The following NANOS2 variants were observed in gnomAD, a reference collection of about 807,000 sequenced individuals.
NANOS2 encodes nanos homolog 2.
A neutral mutation model predicts 6.4 loss-of-function variants in NANOS2; 3 were observed. That is an observed-to-expected ratio of 0.47 (90% confidence interval 0.22 to 1.22). NANOS2 has a LOEUF of 1.22. Among genes scored for constraint, NANOS2 ranks in the 50% most tolerant of loss-of-function variants. The probability of loss-of-function intolerance (pLI) is 0.22; values close to 1 mark genes in which losing one functional copy is unlikely to be tolerated. For synonymous variants in NANOS2, 86 were observed against 85.6 expected (o/e 1.00, Z -0.03); for missense variants, 177 against 191.0 (o/e 0.93, Z 0.43).
In NANOS2 at chr19:45,914,617, C is replaced by G. The variant is rs140269321; in HGVS notation, c.77G>C (p.Arg26Pro). 2.5e-6 allele frequency: 4 copies of G among 1,614,118 alleles called. No individual in the cohort carries two copies. In the Admixed American group the frequency reaches 6.7e-5, roughly 27 times the overall value. The change falls in exon 1 of 1, where the codon CGG (arginine) becomes CCG (proline). Residue 26 changes from arginine to proline, a missense_variant. Transcript: ENST00000341294. Reference sequence around the variant, plus strand: ...CTCTTGGGTCTCCAGCCTTTGACCCCGACTTGCGATCAGCGCCCACACCAC... The same window carrying G: ...CTCTTGGGTCTCCAGCCTTTGACCCGGACTTGCGATCAGCGCCCACACCAC... Reference protein sequence around the residue: ...SQVVWALIASRGQRLETQEIE... With the variant: ...SQVVWALIASPGQRLETQEIE...
rs1309694594 is a variant in NANOS2 at position 45,913,804 on chromosome 19, G to C, written c.*473C>G. On this transcript the variant is annotated 3_prime_UTR_variant, in exon 1 of 1. Transcript: ENST00000341294. Reference sequence around the variant, plus strand: ...AGATGGAGAAGGCTGGTCTTAAGTCGACATCCCATCTTGAAGTTCTTGAGT... The same window carrying C: ...AGATGGAGAAGGCTGGTCTTAAGTCCACATCCCATCTTGAAGTTCTTGAGT... The C allele has an allele frequency of 6.1e-6, 1 of 162,650 alleles. No homozygotes were observed. The highest frequency in any genetic ancestry group is 1.8e-4 in the East Asian group (1 of 5,640). The allele number at this position is 162,650 out of a possible 1,614,324, so 10.1% of individuals were successfully genotyped here.
At position 45,913,614 on chromosome 19, in the gene NANOS2, A is replaced by AC. The variant is rs1442498438; in HGVS notation, c.*662dup. On this transcript the variant is annotated 3_prime_UTR_variant, in exon 1 of 1. Coordinates refer to ENST00000341294, the MANE Select transcript of NANOS2 (RefSeq NM_001029861.3). ...AGGGGGCATTGAAAGGTGTCAGCTC[A>AC]CCCCACGGCTCTCCATCCACAGGTG... The AC allele has an allele frequency of 1.3e-5, 2 of 152,110 alleles. No homozygotes were observed. The highest frequency in any genetic ancestry group is 1.5e-5 in the Non-Finnish European group (1 of 68,150). 9.4% of individuals were successfully genotyped at this position (152,110 alleles called of 1,614,324 possible).
rs1389312198 is a variant in NANOS2 at position 45,914,651 on chromosome 19, G to A, written c.43C>T (p.Leu15=). The change falls in exon 1 of 1, where the codon CTG becomes TTG. Residue 15 remains leucine, a synonymous_variant. Coordinates refer to ENST00000341294, the MANE Select transcript of NANOS2 (RefSeq NM_001029861.3). ...ATCAGCGCCCACACCACCTGGCTCA[G>A]GTTGAAGTAGTCCTTCCACATGTCG... is the stretch of plus-strand genomic sequence containing the variant. ...PFDMWKDYFN[L]SQVVWALIAS... 1.9e-6 allele frequency: 3 copies of A among 1,614,054 alleles called. No homozygotes were observed. Among genetic ancestry groups the A allele is most frequent in the East Asian group, 2.2e-5 (1 of 44,888 alleles).
chr19:45,914,409 G>C lies in NANOS2; in HGVS notation c.285C>G (p.His95Gln), dbSNP rs140764948. 81 of 1,614,082 alleles carry C rather than the reference G, an allele frequency of 5.0e-5. No homozygotes were observed. Among genetic ancestry groups the C allele is most frequent in the Non-Finnish European group, 6.1e-5 (72 of 1,180,030 alleles). Residue 95 changes from histidine (H) to glutamine (Q), a missense_variant, in exon 1 of 1, where the codon CAC (histidine) becomes CAG (glutamine). By Grantham distance (24) the His-to-Gln change is conservative. Transcript: ENST00000341294. ...TGGCCCCGCACACGGGACACACGTA[G>C]TGCCTCAGGATGGGACACACCACCA... ...DGVVVCPILR[H>Q]YVCPVCGATG... is the part of the protein sequence containing the mutation.
In NANOS2 at chr19:45,914,190, G is replaced by T; in HGVS notation, c.*87C>A. 1.5e-6 allele frequency: 2 copies of T among 1,322,506 alleles called. No individual in the cohort carries two copies. Among genetic ancestry groups the T allele is most frequent in the Non-Finnish European group, 2.1e-6 (2 of 971,460 alleles). 81.9% of individuals were successfully genotyped at this position (1,322,506 alleles called of 1,614,324 possible). A position where few individuals can be genotyped will look rare whatever the true frequency, so the allele number is the denominator to read the frequency against. Reference sequence around the variant, plus strand: ...TTCTGGGGGCCAGAAATTCCAAAGGGCTGGGTGACTGGAAGAGAGAGTTTA... The same window carrying T: ...TTCTGGGGGCCAGAAATTCCAAAGGTCTGGGTGACTGGAAGAGAGAGTTTA... On this transcript the variant is annotated 3_prime_UTR_variant, in exon 1 of 1. Transcript: ENST00000341294.
chr19:45,913,913 C>A lies in NANOS2; in HGVS notation c.*364G>T. The A allele has an allele frequency of 4.0e-6, 1 of 250,740 alleles. No homozygotes were observed. The highest frequency in any genetic ancestry group is 9.6e-5 in the South Asian group (1 of 10,408). The allele number at this position is 250,740 out of a possible 1,614,324, so 15.5% of individuals were successfully genotyped here. ...GTGGAATCCTGGAGGTTCAAAAATC[C>A]AAGAACTCCACAAGGAACAGAGAAG... On this transcript the variant is annotated 3_prime_UTR_variant, in exon 1 of 1. Transcript: ENST00000341294.
Position 45,914,165 on chromosome 19 carries a change from T to G in NANOS2, c.*112A>C. On this transcript the variant is annotated 3_prime_UTR_variant, in exon 1 of 1. Coordinates refer to ENST00000341294, the MANE Select transcript of NANOS2 (RefSeq NM_001029861.3). ...GTTTCAGGATCCAGCCAGGGTGGAG[T>G]TCTGGGGGCCAGAAATTCCAAAGGG... 3 of 1,118,074 alleles carry G rather than the reference T, an allele frequency of 2.7e-6. No homozygotes were observed. Among genetic ancestry groups the G allele is most frequent in the Non-Finnish European group, 2.5e-6 (2 of 799,610 alleles). The allele number at this position is 1,118,074 out of a possible 1,614,324, so 69.3% of individuals were successfully genotyped here.
In NANOS2 at chr19:45,914,526, G is replaced by A. The variant is rs1371904279; in HGVS notation, c.168C>T (p.Asn56=). 8 of 1,613,896 alleles carry A rather than the reference G, an allele frequency of 5.0e-6. No homozygotes were observed. The highest frequency in any genetic ancestry group is 2.7e-5 in the African/African-American group (2 of 74,940). Residue 56 remains asparagine (N), a synonymous_variant, in exon 1 of 1, where the codon AAC becomes AAT. Coordinates refer to ENST00000341294, the MANE Select transcript of NANOS2 (RefSeq NM_001029861.3). The stretch of plus-strand genomic sequence containing the variant: ...AGTTGCACAGGGTCCCCAGGCCCCC[G>A]TTGGCCCCTGGCGCCCCCAGCCCCT... ...QDQGLGAPGA[N]GGLGTLCNFC... is the part of the protein sequence containing the mutation.
Position 45,914,649 on chromosome 19 carries a change from C to T in NANOS2, c.45G>A (p.Leu15=). The change falls in exon 1 of 1, where the codon CTG becomes CTA. Residue 15 remains leucine (L), a synonymous_variant. Coordinates refer to ENST00000341294, the MANE Select transcript of NANOS2 (RefSeq NM_001029861.3). ...CGATCAGCGCCCACACCACCTGGCT[C>T]AGGTTGAAGTAGTCCTTCCACATGT... ...PFDMWKDYFN[L]SQVVWALIAS... The T allele has an allele frequency of 6.2e-7, 1 of 1,614,176 alleles. No individual in the cohort carries two copies. The highest frequency in any genetic ancestry group is 8.5e-7 in the Non-Finnish European group (1 of 1,180,026).
chr19:45,913,925 A>G lies in NANOS2; in HGVS notation c.*352T>C. The G allele has an allele frequency of 3.6e-6, 1 of 279,168 alleles. No individual in the cohort carries two copies. Among genetic ancestry groups the G allele is most frequent in the Non-Finnish European group, 6.8e-6 (1 of 146,750 alleles). The allele number at this position is 279,168 out of a possible 1,614,324, so 17.3% of individuals were successfully genotyped here. A position where few individuals can be genotyped will look rare whatever the true frequency, so the allele number is the denominator to read the frequency against. On this transcript the variant is annotated 3_prime_UTR_variant, in exon 1 of 1. Coordinates refer to ENST00000341294, the MANE Select transcript of NANOS2 (RefSeq NM_001029861.3). ...AGGTTCAAAAATCCAAGAACTCCAC[A>G]AGGAACAGAGAAGTCGAAGGGGCAG... is the stretch of plus-strand genomic sequence containing the variant.
chr19:45,914,059 GGCCAACGCCCACAGGCCAGA>G lies in NANOS2; in HGVS notation c.*198_*217del. The G allele has an allele frequency of 1.7e-6, 1 of 589,434 alleles. No individual in the cohort carries two copies. The highest frequency in any genetic ancestry group is 2.8e-5 in the East Asian group (1 of 35,768). The allele number at this position is 589,434 out of a possible 1,614,324, so 36.5% of individuals were successfully genotyped here. On this transcript the variant is annotated 3_prime_UTR_variant, in exon 1 of 1. Coordinates refer to ENST00000341294, the MANE Select transcript of NANOS2 (RefSeq NM_001029861.3). ...GTTCCCGCGGCACCAAGGACCCTCA[GGCCAACGCCCACAGGCCAGA>G]GCTCCGAGGGCTGACAGGTCCAAGG...
In NANOS2 at chr19:45,913,961, A is replaced by T. The variant is rs982938302; in HGVS notation, c.*316T>A. The T allele has an allele frequency of 7.7e-6, 3 of 389,950 alleles. No individual in the cohort carries two copies. The highest frequency in any genetic ancestry group is 1.4e-5 in the Non-Finnish European group (3 of 213,590). The allele number at this position is 389,950 out of a possible 1,614,324, so 24.2% of individuals were successfully genotyped here. On this transcript the variant is annotated 3_prime_UTR_variant, in exon 1 of 1. Transcript: ENST00000341294. ...AAGTCGAAGGGGCAGGGCTCCAGTCACCAGCAGGCCCCACGAGGACAAAAG... is the reference window on the plus strand; with the variant it reads ...AAGTCGAAGGGGCAGGGCTCCAGTCTCCAGCAGGCCCCACGAGGACAAAAG...
Position 45,914,544 on chromosome 19 carries a change from C to G in NANOS2, c.150G>C (p.Leu50=), listed in dbSNP as rs942572483. Residue 50 remains leucine (L), a synonymous_variant, in exon 1 of 1, where the codon CTG becomes CTC. Transcript: ENST00000341294. Reference sequence around the variant, plus strand: ...GGCCCCCGTTGGCCCCTGGCGCCCCCAGCCCCTGATCCTGCCCCAGCGGAG... The same window carrying G: ...GGCCCCCGTTGGCCCCTGGCGCCCCGAGCCCCTGATCCTGCCCCAGCGGAG... ...PGPPLGQDQG[L]GAPGANGGLG... is the part of the protein sequence containing the mutation. 6.2e-7 allele frequency: 1 copy of G among 1,614,180 alleles called. No individual in the cohort carries two copies. The highest frequency in any genetic ancestry group is 8.5e-7 in the Non-Finnish European group (1 of 1,180,016).
chr19:45,914,259 G>T lies in NANOS2; in HGVS notation c.*18C>A. On this transcript the variant is annotated 3_prime_UTR_variant, in exon 1 of 1. Coordinates refer to ENST00000341294, the MANE Select transcript of NANOS2 (RefSeq NM_001029861.3). ...ACCAGGAGGGTCAGGGGTGCGGGTG[G>T]TGAGCATCTCACGATGCTCAGCGCT... is the stretch of plus-strand genomic sequence containing the variant. The T allele has an allele frequency of 6.3e-7, 1 of 1,596,150 alleles. No homozygotes were observed. Among genetic ancestry groups the T allele is most frequent in the South Asian group, 1.1e-5 (1 of 89,186 alleles).
Position 45,914,285 on chromosome 19 carries a change from T to C in NANOS2, c.409A>G (p.Lys137Glu). 1.2e-6 allele frequency: 2 copies of C among 1,612,136 alleles called. No homozygotes were observed. The highest frequency in any genetic ancestry group is 1.7e-6 in the Non-Finnish European group (2 of 1,179,174). Reference sequence around the variant, plus strand: ...TGAGCATCTCACGATGCTCAGCGCTTGACCCTGCGTCCGGCCGAGTTGCGC... The same window carrying C: ...TGAGCATCTCACGATGCTCAGCGCTCGACCCTGCGTCCGGCCGAGTTGCGC... ...SGRNSAGRRVKR is the reference protein window; with the variant it reads ...SGRNSAGRRVER Residue 137 changes from lysine to glutamate, a missense_variant, in exon 1 of 1, where the codon AAG becomes GAG. Coordinates refer to ENST00000341294, the MANE Select transcript of NANOS2 (RefSeq NM_001029861.3).
rs1167768804 is a variant in NANOS2 at position 45,914,084 on chromosome 19, C to A, written c.*193G>T. On this transcript the variant is annotated 3_prime_UTR_variant, in exon 1 of 1. Coordinates refer to ENST00000341294, the MANE Select transcript of NANOS2 (RefSeq NM_001029861.3). Reference sequence around the variant, plus strand: ...GGCCAACGCCCACAGGCCAGAGCTCCGAGGGCTGACAGGTCCAAGGGGGCG... The same window carrying A: ...GGCCAACGCCCACAGGCCAGAGCTCAGAGGGCTGACAGGTCCAAGGGGGCG... 4.7e-6 allele frequency: 3 copies of A among 632,890 alleles called. No individual in the cohort carries two copies. In the African/African-American group the frequency reaches 5.5e-5, roughly 12 times the overall value. The allele number at this position is 632,890 out of a possible 1,614,324, so 39.2% of individuals were successfully genotyped here.
Position 45,914,628 on chromosome 19 carries a change from C to A in NANOS2, c.66G>T (p.Leu22=). ...YFNLSQVVWA[L]IASRGQRLET... is the part of the protein sequence containing the mutation. ...CCAGCCTTTGACCCCGACTTGCGAT[C>A]AGCGCCCACACCACCTGGCTCAGGT... The change falls in exon 1 of 1, where the codon CTG becomes CTT. Residue 22 remains leucine (L), a synonymous_variant. Coordinates refer to ENST00000341294, the MANE Select transcript of NANOS2 (RefSeq NM_001029861.3). 1 of 1,614,252 alleles carries A rather than the reference C, an allele frequency of 6.2e-7. No homozygotes were observed. The highest frequency in any genetic ancestry group is 8.5e-7 in the Non-Finnish European group (1 of 1,180,038).
At position 45,913,873 on chromosome 19, in the gene NANOS2, GC is replaced by G; in HGVS notation, c.*403del. Reference sequence around the variant, plus strand: ...CTTGTTCAGTATCTCCTAAGGGCTGGCTTGGGACAGCACCGTGGAATCCTGG... The same window carrying G: ...CTTGTTCAGTATCTCCTAAGGGCTGGTTGGGACAGCACCGTGGAATCCTGG... On this transcript the variant is annotated 3_prime_UTR_variant, in exon 1 of 1. Transcript: ENST00000341294. The G allele has an allele frequency of 5.1e-6, 1 of 196,996 alleles. No homozygotes were observed. The highest frequency in any genetic ancestry group is 5.3e-5 in the Admixed American group (1 of 19,024). The allele number at this position is 196,996 out of a possible 1,614,324, so 12.2% of individuals were successfully genotyped here. A position where few individuals can be genotyped will look rare whatever the true frequency, so the allele number is the denominator to read the frequency against.
Position 45,913,438 on chromosome 19 carries a change from A to G in NANOS2, c.*839T>C, listed in dbSNP as rs1967433394. The G allele has an allele frequency of 6.6e-6, 1 of 152,120 alleles. No individual in the cohort carries two copies. The highest frequency in any genetic ancestry group is 1.5e-5 in the Non-Finnish European group (1 of 68,024). The allele number at this position is 152,120 out of a possible 1,614,324, so 9.4% of individuals were successfully genotyped here. A position where few individuals can be genotyped will look rare whatever the true frequency, so the allele number is the denominator to read the frequency against. ...GAGGTTGAAAAACACAGGAGGAAAAAAAAATGTCCTTTAGTCAACTATCAC... is the reference window on the plus strand; with the variant it reads ...GAGGTTGAAAAACACAGGAGGAAAAGAAAATGTCCTTTAGTCAACTATCAC... On this transcript the variant is annotated 3_prime_UTR_variant, in exon 1 of 1. Coordinates refer to ENST00000341294, the MANE Select transcript of NANOS2 (RefSeq NM_001029861.3).
Sources: gnomAD v4.1 joint callset for allele counts on GRCh38, gnomAD v4.1.1 for gene constraint, MANE v1.5 for transcripts, NCBI Gene and HGNC (gene_info 2026-07-23, HGNC 2026-07-21) for gene names.